The following CFAP299 variants were observed in gnomAD, a reference collection of about 807,000 sequenced individuals.
The protein encoded by CFAP299 is cilia and flagella associated protein 299.
CFAP299 carries 21 observed loss-of-function variants against 27.0 expected under a neutral mutation model. The observed-to-expected ratio is 0.78, with a 90% CI of 0.55 to 1.12. The LOEUF is 1.12. Ranked by LOEUF, CFAP299 falls within the 50% of genes most tolerant of loss-of-function variation. The pLI is 0.00. For missense variants in CFAP299, 310 were observed against 276.6 expected (o/e 1.12, Z -0.86); for synonymous variants, 104 against 98.1 (o/e 1.06, Z -0.36).
intron 2 of CFAP299, among the ~76,000 whole-genome samples, chr4:80,476,944 C>CGTGT (rs369887747): frequency 9.4e-5 from 13 of 137,828 alleles, no homozygotes; most frequent in African/African-American, 3.5e-4. Context: ...TGTGTGTGTG[C>CGTGT]GTGTGTGTGC....
intron 2 of CFAP299, among the ~76,000 whole-genome samples, chr4:80,408,958 G>A (rs1408130932): frequency 1.3e-5 from 2 of 150,046 alleles, no homozygotes; most frequent in African/African-American, 2.5e-5. Flanking sequence ...GTGTGTGCTT[G>A]TATTCCTAGC....
At chr4:80,371,220 T>C (rs970370183) in intron 2 of CFAP299, among the ~76,000 whole-genome samples, 4 of 152,162 alleles carry the variant, frequency 2.6e-5, no homozygotes, top group African/African-American at 9.6e-5. Context: ...GGGACTGGTG[T>C]CCTGAAACTG....
rs552542025 is a variant in CFAP299 at position 80,840,621 on chromosome 4, T to C, written c.334-29372T>C. On this transcript the variant is annotated intron_variant, in intron 3 of 5. Transcript: ENST00000358105. Reference sequence around the variant, plus strand: ...AGGGCAGTTCTTTTTATCTGCTTATTCTCATGGTTTGTTTTGATTTTTTTC... The same window carrying C: ...AGGGCAGTTCTTTTTATCTGCTTATCCTCATGGTTTGTTTTGATTTTTTTC... Among the ~76,000 whole-genome samples, 3 of 152,246 alleles carry C rather than the reference T, an allele frequency of 2.0e-5. No individual in the cohort carries two copies. The East Asian group carries it at 5.8e-4, about 29-fold the overall frequency.
chr4:80,933,599 C>T (rs1216746640), intron 4 of CFAP299, among the ~76,000 whole-genome samples: 5 of 151,898 alleles, frequency 3.3e-5, no homozygotes, highest in Non-Finnish European at 7.4e-5. Flanking sequence ...TTTTTTATGA[C>T]ATCAATTCAT....
intron 3 of CFAP299, among the ~76,000 whole-genome samples, chr4:80,681,850 A>G (rs1414662860): frequency 6.6e-6 from 1 of 152,140 alleles, no homozygotes; most frequent in Non-Finnish European, 1.5e-5. Flanking sequence ...GGCTATTTTT[A>G]TGTCTACATT....
intron 3 of CFAP299, among the ~76,000 whole-genome samples, chr4:80,589,637 T>G (rs1235734151): frequency 6.6e-6 from 1 of 152,144 alleles, no homozygotes; most frequent in Admixed American, 6.5e-5. Context: ...CTGAACAGAT[T>G]ATAAACAGCC....
At position 80,567,731 on chromosome 4, in the gene CFAP299, T is replaced by TTATATA. The variant is rs10605376; in HGVS notation, c.243-15347_243-15342dup. 9.5e-3 allele frequency among the ~76,000 whole-genome samples: 1,410 copies of TTATATA among 148,796 alleles called. 13 individuals are homozygous for TTATATA. The highest frequency in any genetic ancestry group is 0.054 in the South Asian group (258 of 4,742). On this transcript the variant is annotated intron_variant, in intron 2 of 5. Transcript: ENST00000358105. ...ACTTAAAAATGCTATTCTAATGTAT[T>TTATATA]TATATATATATATATATATAAGTAC...
intron 1 of CFAP299, among the ~76,000 whole-genome samples, chr4:80,353,671 A>G (rs1478545124): frequency 6.6e-6 from 1 of 152,104 alleles, no homozygotes; most frequent in East Asian, 1.9e-4. Flanking sequence ...GGTCAAACAA[A>G]TTGTTGTGGG....
At chr4:80,427,193 C>T (rs760070572) in intron 2 of CFAP299, among the ~76,000 whole-genome samples, 11 of 152,116 alleles carry the variant, frequency 7.2e-5, no homozygotes, top group Admixed American at 2.6e-4. Flanking sequence ...GTAAGGAACA[C>T]CTGCTTAATT....
At chr4:80,688,102 G>A (rs924688105) in intron 3 of CFAP299, among the ~76,000 whole-genome samples, 1 of 152,202 alleles carries the variant, frequency 6.6e-6, no homozygotes, top group Non-Finnish European at 1.5e-5. Context: ...AGACGGCAGC[G>A]AGGCTGGGGG....
chr4:80,674,695 A>G (rs537122891), intron 3 of CFAP299, among the ~76,000 whole-genome samples: 1 of 152,068 alleles, frequency 6.6e-6, no homozygotes, highest in South Asian at 2.1e-4. Flanking sequence ...ACATTGTCCC[A>G]TATTTCTTGG....
rs1272865450 is a variant in CFAP299 at position 80,588,348 on chromosome 4, C to A, written c.333+5165C>A. Among the ~76,000 whole-genome samples, 5 of 150,700 alleles carry A rather than the reference C, an allele frequency of 3.3e-5. 2 individuals carry two copies. Among genetic ancestry groups the A allele is most frequent in the African/African-American group, 1.2e-4 (5 of 40,132 alleles). On this transcript the variant is annotated intron_variant, in intron 3 of 5. Transcript: ENST00000358105. The stretch of plus-strand genomic sequence containing the variant: ...AGAGGGACACTACCAACATCCACTG[C>A]AGTGCTCTAGAACTACAGATGCTAA...
chr4:80,785,325 G>A (rs904965915), intron 3 of CFAP299, among the ~76,000 whole-genome samples: 35 of 152,114 alleles, frequency 2.3e-4, no homozygotes, highest in African/African-American at 7.0e-4. Flanking sequence ...ACTCTATGTG[G>A]TATCCTATTT....
intron 2 of CFAP299, chr4:80,388,692 G>C: frequency 3.4e-6 from 3 of 874,462 alleles, no homozygotes; most frequent in Non-Finnish European, 5.7e-6. Flanking sequence ...ATTCCCTCCA[G>C]GGCCTTAAAG....
chr4:80,721,766 G>A (rs941164831), intron 3 of CFAP299, among the ~76,000 whole-genome samples: 2 of 152,064 alleles, frequency 1.3e-5, no homozygotes, highest in Admixed American at 6.6e-5. Flanking sequence ...GCAAATTTTG[G>A]TAGGAAATTA....
chr4:80,497,447 T>G (rs1731508719), intron 2 of CFAP299, among the ~76,000 whole-genome samples: 1 of 152,206 alleles, frequency 6.6e-6, no homozygotes, highest in African/African-American at 2.4e-5. Context: ...TAAAGTAAGT[T>G]CTCACTATTC....
rs1196634176 is a variant in CFAP299 at position 80,605,443 on chromosome 4, C to CT, written c.333+22261dup. 2.6e-5 allele frequency among the ~76,000 whole-genome samples: 4 copies of CT among 152,158 alleles called. No homozygotes were observed. The East Asian group carries it at 7.7e-4, about 29-fold the overall frequency. On this transcript the variant is annotated intron_variant, in intron 3 of 5. Transcript: ENST00000358105. ...TAATACATTTTACTTTAAATACAGA[C>CT]TGGAAAACTGAAAACTAGATTATAT...
At chr4:80,389,071 TC>T (rs1404299576) in intron 2 of CFAP299, among the ~76,000 whole-genome samples, 1 of 152,208 alleles carries the variant, frequency 6.6e-6, no homozygotes. Context: ...TACTATTTTT[TC>T]TTCTTTATTA....
chr4:80,623,650 C>T (rs966992215), intron 3 of CFAP299, among the ~76,000 whole-genome samples: 6 of 152,084 alleles, frequency 3.9e-5, no homozygotes, highest in African/African-American at 1.2e-4. Flanking sequence ...CCACCAAACC[C>T]GGGCAACACA....
Sources: gnomAD v4.1 joint callset for allele counts (sites outside exome capture counted in the v4.1 genomes callset) on GRCh38, gnomAD v4.1.1 for gene constraint, MANE v1.5 for transcripts, NCBI Gene and HGNC (gene_info 2026-07-23, HGNC 2026-07-21) for gene names.